Variants in PPP2R2B observed in about 807,000 individuals in gnomAD.
PPP2R2B encodes the protein serine/threonine-protein phosphatase 2A 55 kDa regulatory subunit B beta isoform.
A neutral mutation model predicts 46.0 loss-of-function variants in PPP2R2B; 5 were observed. The observed-to-expected ratio is 0.11, with a 90% CI of 0.06 to 0.23. The LOEUF (loss-of-function observed/expected upper bound fraction) is 0.23, where lower values mean the gene tolerates loss of function less well. Among genes scored for constraint, PPP2R2B ranks in the 10% least tolerant of loss-of-function variants. The probability of loss-of-function intolerance (pLI) is 1.00; values close to 1 mark genes in which losing one functional copy is unlikely to be tolerated. For synonymous variants in PPP2R2B, 215 were observed against 206.7 expected (o/e 1.04, Z -0.34); for missense variants, 367 against 575.0 (o/e 0.64, Z 3.70).
At chr5:146,848,965 T>C (rs964254677) in intron 2 of PPP2R2B, among the ~76,000 whole-genome samples, 5 of 152,250 alleles carry the variant, frequency 3.3e-5, no homozygotes, top group African/African-American at 1.2e-4. Context: ...TGTTCCACTT[T>C]GGCCATTAGG....
intron 2 of PPP2R2B, among the ~76,000 whole-genome samples, chr5:147,064,864 T>C (rs1405356822): frequency 6.6e-6 from 1 of 152,130 alleles, no homozygotes; most frequent in Non-Finnish European, 1.5e-5. Context: ...TGACAAGGAG[T>C]TGAACTTAGC....
chr5:146,760,017 G>A lies in PPP2R2B; in HGVS notation c.71-58875C>T, dbSNP rs76632388. Among the ~76,000 whole-genome samples the A allele has an allele frequency of 1.4e-4, 21 of 152,000 alleles. No homozygotes were observed. In the East Asian group the frequency reaches 3.3e-3, roughly 24 times the overall value. ...ATCTGATAATCTTAAATAACTTTTG[G>A]GTAACAAGAAAGGTGTGTTTGTTTA... On this transcript the variant is annotated intron_variant, in intron 2 of 9. Coordinates refer to ENST00000394411, the MANE Select transcript of PPP2R2B (RefSeq NM_181675.4).
chr5:146,905,870 G>A (rs369079769), intron 1 of PPP2R2B, among the ~76,000 whole-genome samples: 2 of 152,150 alleles, frequency 1.3e-5, no homozygotes, highest in East Asian at 1.9e-4. Flanking sequence ...AATAGCAGGA[G>A]TCAGCTTTTG....
rs143169354 is a variant in PPP2R2B at position 146,753,353 on chromosome 5, CAG to C, written c.71-52213_71-52212del. Among the ~76,000 whole-genome samples, 1,324 of 152,332 alleles carry C rather than the reference CAG, an allele frequency of 8.7e-3. 20 individuals are homozygous for C. Among genetic ancestry groups the C allele is most frequent in the African/African-American group, 0.031 (1,272 of 41,566 alleles). ...TATAATGTGAATACTCTCCCACACA[CAG>C]AGAATAGACAGTATAGAACCTTACA... is the stretch of plus-strand genomic sequence containing the variant. On this transcript the variant is annotated intron_variant, in intron 2 of 9. Coordinates refer to ENST00000394411, the MANE Select transcript of PPP2R2B (RefSeq NM_181675.4).
At chr5:146,966,199 T>G (rs372500318) in intron 1 of PPP2R2B, among the ~76,000 whole-genome samples, 19 of 152,186 alleles carry the variant, frequency 1.2e-4, no homozygotes, top group Admixed American at 6.5e-4. Flanking sequence ...GGCCAGAGGC[T>G]CGTTAATGTT....
intron 1 of PPP2R2B, among the ~76,000 whole-genome samples, chr5:147,051,128 A>G (rs189003648): frequency 4.6e-5 from 7 of 152,304 alleles, no homozygotes; most frequent in Non-Finnish European, 7.3e-5. Flanking sequence ...GACTGTTTCA[A>G]TGTAATCCAA....
chr5:146,624,462 G>T (rs564781068), intron 7 of PPP2R2B, among the ~76,000 whole-genome samples: 2 of 151,676 alleles, frequency 1.3e-5, no homozygotes, highest in African/African-American at 4.8e-5. Context: ...CTCAAAGTAC[G>T]GCCCAAATCA....
chr5:146,607,232 C>A (rs1325228350), intron 7 of PPP2R2B: 3 of 152,136 alleles, frequency 2.0e-5, no homozygotes, highest in Admixed American at 6.5e-5. Flanking sequence ...TAAGAACTCC[C>A]TCGGACTGAC....
intron 1 of PPP2R2B, among the ~76,000 whole-genome samples, chr5:147,023,672 G>C (rs1315576548): frequency 6.6e-6 from 1 of 152,162 alleles, no homozygotes; most frequent in Non-Finnish European, 1.5e-5. Flanking sequence ...GTGTCAGTTT[G>C]AGTGGGTTAA....
intron 2 of PPP2R2B, among the ~76,000 whole-genome samples, chr5:146,718,216 T>C (rs1012827374): frequency 6.6e-6 from 1 of 151,968 alleles, no homozygotes; most frequent in South Asian, 2.1e-4. Context: ...TTTCTAATCC[T>C]ATCTCTACAA....
chr5:146,957,815 A>G (rs887741814), intron 1 of PPP2R2B, among the ~76,000 whole-genome samples: 3 of 152,162 alleles, frequency 2.0e-5, no homozygotes, highest in Non-Finnish European at 4.4e-5. Flanking sequence ...TGCTAGGTCT[A>G]GAGGAGAGGA....
At chr5:146,712,835 A>G (rs1448763120) in intron 2 of PPP2R2B, among the ~76,000 whole-genome samples, 1 of 152,186 alleles carries the variant, frequency 6.6e-6, no homozygotes, top group East Asian at 1.9e-4. Flanking sequence ...TAGAATCTCC[A>G]AACAACGTCT....
intron 5 of PPP2R2B, among the ~76,000 whole-genome samples, chr5:146,684,942 CACAGT>C (rs1778396898): frequency 6.6e-6 from 1 of 152,176 alleles, no homozygotes; most frequent in African/African-American, 2.4e-5. Context: ...CCATGAGGCA[CACAGT>C]CATTTAAGAA....
chr5:146,659,561 C>T (rs1776555005), intron 5 of PPP2R2B, among the ~76,000 whole-genome samples: 1 of 152,094 alleles, frequency 6.6e-6, no homozygotes, highest in Non-Finnish European at 1.5e-5. Context: ...CTTAGCATGA[C>T]GATTGACACA....
At chr5:146,986,778 A>C (rs1241669035) in intron 1 of PPP2R2B, among the ~76,000 whole-genome samples, 2 of 152,238 alleles carry the variant, frequency 1.3e-5, no homozygotes, top group Non-Finnish European at 2.9e-5. Context: ...AGATAGTATC[A>C]AAATAGCAAA....
intron 2 of PPP2R2B, among the ~76,000 whole-genome samples, chr5:146,708,943 A>C (rs1453273815): frequency 6.6e-6 from 1 of 152,182 alleles, no homozygotes; most frequent in Non-Finnish European, 1.5e-5. Flanking sequence ...TTAACTTGAC[A>C]CTGCTTCTCA....
chr5:146,630,149 T>C (rs1230355194), intron 7 of PPP2R2B, among the ~76,000 whole-genome samples: 7 of 152,192 alleles, frequency 4.6e-5, no homozygotes, highest in African/African-American at 1.7e-4. Context: ...CTAGCCTACT[T>C]GTATCCATCC....
intron 1 of PPP2R2B, among the ~76,000 whole-genome samples, chr5:146,989,529 C>A (rs1753590602): frequency 6.6e-6 from 1 of 151,940 alleles, no homozygotes; most frequent in Non-Finnish European, 1.5e-5. Context: ...GCTGAAAAAG[C>A]CTTCAATAAA....
rs1351077969 is a variant in PPP2R2B at position 147,069,799 on chromosome 5, T to TG, written c.50+11259_50+11260insC. On this transcript the variant is annotated intron_variant, in intron 2 of 10. Coordinates refer to the PPP2R2B transcript ENST00000394413. ...CATTTTATACTGTTTTTTTTTTTTT[T>TG]TTTTTTTTTGAGATGGAGTCTTGCT... 2.0e-4 allele frequency among the ~76,000 whole-genome samples: 26 copies of TG among 129,786 alleles called. 1 individual carries two copies. Among genetic ancestry groups the TG allele is most frequent in the African/African-American group, 7.3e-4 (24 of 32,790 alleles). The allele number at this position is 129,786 out of a possible 152,430, so 85.1% of individuals were successfully genotyped here.
Sources: gnomAD v4.1 joint callset for allele counts (sites outside exome capture counted in the v4.1 genomes callset) on GRCh38, gnomAD v4.1.1 for gene constraint, MANE v1.5 for transcripts, NCBI Gene and HGNC (gene_info 2026-07-23, HGNC 2026-07-21) for gene names.